The following ACBD3 variants were observed in gnomAD, a reference collection of about 807,000 sequenced individuals.
ACBD3 encodes acyl-CoA binding domain containing 3.
In ACBD3, 30 loss-of-function variants were observed where a neutral mutation model predicts 66.9. The ratio of observed to expected loss-of-function variants is 0.45; its 90% confidence interval spans 0.34 to 0.61. The LOEUF is 0.61. Among genes scored for constraint, ACBD3 ranks in the 20% least tolerant of loss-of-function variants. The pLI is 0.02. For synonymous variants in ACBD3, 278 were observed against 259.8 expected (o/e 1.07, Z -0.68); for missense variants, 544 against 664.5 (o/e 0.82, Z 1.99).
Position 226,164,817 on chromosome 1 carries a change from T to G in ACBD3, c.541A>C (p.Ile181Leu). 6.2e-7 allele frequency: 1 copy of G among 1,610,000 alleles called. No homozygotes were observed. The highest frequency in any genetic ancestry group is 8.5e-7 in the Non-Finnish European group (1 of 1,178,394). ...TTTTTTTCTTGCTCTTCCTTCTCTATTTTGTGGGACGCAACATATGTTGAA... is the reference window on the plus strand; with the variant it reads ...TTTTTTTCTTGCTCTTCCTTCTCTAGTTTGTGGGACGCAACATATGTTGAA... ...LFSTYVASHK[I>L]EKEEQEKKRK... Residue 181 changes from isoleucine (I) to leucine (L), a missense_variant, in exon 3 of 8, where the codon ATA becomes CTA. This residue lies in a region of ACBD3 where 383 missense variants were observed against 462.4 expected (regional missense o/e 0.83). Coordinates refer to ENST00000366812, the MANE Select transcript of ACBD3 (RefSeq NM_022735.4).
chr1:226,183,284 T>C (rs1345920165), intron 1 of ACBD3, among the ~76,000 whole-genome samples: 1 of 152,166 alleles, frequency 6.6e-6, no homozygotes, highest in Non-Finnish European at 1.5e-5. Flanking sequence ...CAAGTGATTC[T>C]CCTGCCTCAG....
Position 226,154,922 on chromosome 1 carries a change from T to A in ACBD3, c.904-89A>T, listed in dbSNP as rs922999416. 15 of 1,171,108 alleles carry A rather than the reference T, an allele frequency of 1.3e-5. No individual in the cohort carries two copies. In the African/African-American group the frequency reaches 2.0e-4, roughly 16 times the overall value. 72.5% of individuals were successfully genotyped at this position (1,171,108 alleles called of 1,614,324 possible). A position where few individuals can be genotyped will look rare whatever the true frequency, so the allele number is the denominator to read the frequency against. On this transcript the variant is annotated intron_variant, in intron 5 of 7. Coordinates refer to ENST00000366812, the MANE Select transcript of ACBD3 (RefSeq NM_022735.4). ...TGGAGTACATCTGATACCATGCTTT[T>A]GCCCTACCAAAGTGCTATGCTCAAG...
chr1:226,159,904 C>T (rs1659738689), intron 4 of ACBD3, among the ~76,000 whole-genome samples: 1 of 152,074 alleles, frequency 6.6e-6, no homozygotes. Context: ...ACATAAAAAA[C>T]AGTAAGAGGC....
At chr1:226,185,670 T>C (rs2102793788) in intron 1 of ACBD3, among the ~76,000 whole-genome samples, 1 of 150,906 alleles carries the variant, frequency 6.6e-6, no homozygotes, top group South Asian at 2.1e-4. Context: ...ACAAGAGACA[T>C]TTAACAATTA....
chr1:226,155,221 C>G (rs1159604789), intron 5 of ACBD3: 1 of 153,866 alleles, frequency 6.5e-6, no homozygotes, highest in Non-Finnish European at 1.4e-5. Context: ...AGCTCAAGAC[C>G]AGCCTGACCA....
At position 226,186,383 on chromosome 1, in the gene ACBD3, G is replaced by A. The variant is rs1656307907; in HGVS notation, c.286+7C>T. 6.6e-7 allele frequency: 1 copy of A among 1,514,696 alleles called. No homozygotes were observed. The highest frequency in any genetic ancestry group is 8.8e-7 in the Non-Finnish European group (1 of 1,131,446). 93.8% of individuals were successfully genotyped at this position (1,514,696 alleles called of 1,614,324 possible). A position where few individuals can be genotyped will look rare whatever the true frequency, so the allele number is the denominator to read the frequency against. On this transcript the variant is annotated splice_region_variant and intron_variant, in intron 1 of 7. Transcript: ENST00000366812. The stretch of plus-strand genomic sequence containing the variant: ...GAAGCGGCGGGGGTGGGGCTGGCCC[G>A]GCTCACCTTTGAAGAAGCGCAGTGC...
chr1:226,170,980 T>G (rs1307930139), intron 1 of ACBD3, among the ~76,000 whole-genome samples: 1 of 152,092 alleles, frequency 6.6e-6, no homozygotes, highest in Non-Finnish European at 1.5e-5. Flanking sequence ...GGTTTTGCCA[T>G]GTTACCCAGG....
In ACBD3 at chr1:226,146,265, G is replaced by A. The variant is rs1305284387; in HGVS notation, c.*345C>T. ...GGGCTCTCATAAGACACATGGAGCA[G>A]GCAGCAAGGGGCTAACCATCAGCCG... On this transcript the variant is annotated 3_prime_UTR_variant, in exon 8 of 8. Transcript: ENST00000366812. 4.7e-6 allele frequency: 1 copy of A among 213,608 alleles called. No individual in the cohort carries two copies. The highest frequency in any genetic ancestry group is 2.3e-5 in the African/African-American group (1 of 42,686). The allele number at this position is 213,608 out of a possible 1,614,324, so 13.2% of individuals were successfully genotyped here.
Position 226,161,686 on chromosome 1 carries a change from C to A in ACBD3, c.573G>T (p.Lys191Asn). Residue 191 changes from lysine (K) to asparagine (N), a missense_variant, in exon 4 of 8, where the codon AAG becomes AAT. Coordinates refer to ENST00000366812, the MANE Select transcript of ACBD3 (RefSeq NM_022735.4). ...IEKEEQEKKRKEEEERRRREE... is the reference protein window; with the variant it reads ...IEKEEQEKKRNEEEERRRREE... Reference sequence around the variant, plus strand: ...CACGCCGCCTTCGCTCCTCTTCCTCCTTCCTACAAGGCAAAGATAGAGAAT... The same window carrying A: ...CACGCCGCCTTCGCTCCTCTTCCTCATTCCTACAAGGCAAAGATAGAGAAT... The A allele has an allele frequency of 6.3e-7, 1 of 1,588,464 alleles. No homozygotes were observed. Among genetic ancestry groups the A allele is most frequent in the Non-Finnish European group, 8.6e-7 (1 of 1,167,388 alleles).
At chr1:226,148,622 G>A (rs1659501812) in intron 7 of ACBD3, among the ~76,000 whole-genome samples, 1 of 152,120 alleles carries the variant, frequency 6.6e-6, no homozygotes, top group Non-Finnish European at 1.5e-5. Context: ...TTAAGCCAAG[G>A]TTTAGGACCT....
chr1:226,169,716 CA>C (rs112424132), intron 1 of ACBD3, among the ~76,000 whole-genome samples: 140,769 of 141,852 alleles, frequency 0.99, 69,846 homozygotes, highest in Middle Eastern at 1. Flanking sequence ...TTTTTTAAAA[CA>C]AAAAAAAAAA....
At position 226,159,190 on chromosome 1, in the gene ACBD3, C is replaced by T. The variant is rs141482742; in HGVS notation, c.897G>A (p.Gln299=). ...MQQLYQVQLA[Q]QQAALQKQQE... Reference sequence around the variant, plus strand: ...CTAGGGTTGTCTATCGTACCTGTTGCTGTGCAAGCTGGACTTGATACAACT... The same window carrying T: ...CTAGGGTTGTCTATCGTACCTGTTGTTGTGCAAGCTGGACTTGATACAACT... The change falls in exon 5 of 8, where the codon CAG becomes CAA. Residue 299 remains glutamine (Q), a synonymous_variant. Coordinates refer to ENST00000366812, the MANE Select transcript of ACBD3 (RefSeq NM_022735.4). The T allele has an allele frequency of 3.1e-6, 5 of 1,614,006 alleles. No homozygotes were observed. The highest frequency in any genetic ancestry group is 1.6e-4 in the Middle Eastern group (1 of 6,084).
In ACBD3 at chr1:226,154,781, G is replaced by A. The variant is rs1264452390; in HGVS notation, c.956C>T (p.Thr319Ile). Reference protein sequence around the residue: ...EVVVAGSSLPTSSKVNATVPS... With the variant: ...EVVVAGSSLPISSKVNATVPS... ...TACAGTTGCATTCACTTTTGATGAT[G>A]TAGGCAAGGAAGACCCAGCCACTAC... is the stretch of plus-strand genomic sequence containing the variant. The change falls in exon 6 of 8, where the codon ACA becomes ATA. Residue 319 changes from threonine (T) to isoleucine (I), a missense_variant. This residue lies in a region of ACBD3 where 383 missense variants were observed against 462.4 expected (regional missense o/e 0.83). Transcript: ENST00000366812. The A allele has an allele frequency of 1.2e-6, 2 of 1,612,812 alleles. No homozygotes were observed. Among genetic ancestry groups the A allele is most frequent in the African/African-American group, 2.7e-5 (2 of 74,870 alleles).
rs1376229910 is a variant in ACBD3 at position 226,180,827 on chromosome 1, T to A, written c.286+5563A>T. 2.0e-5 allele frequency among the ~76,000 whole-genome samples: 3 copies of A among 152,164 alleles called. No homozygotes were observed. The East Asian group carries it at 5.8e-4, about 29-fold the overall frequency. On this transcript the variant is annotated intron_variant, in intron 1 of 7. Coordinates refer to ENST00000366812, the MANE Select transcript of ACBD3 (RefSeq NM_022735.4). ...CAGCCTGACTAACATGGTGAAACCC[T>A]GTCTGTACTAAAAATACAAAAATTA...
At chr1:226,179,459 A>G (rs1006209683) in intron 1 of ACBD3, among the ~76,000 whole-genome samples, 1 of 152,160 alleles carries the variant, frequency 6.6e-6, no homozygotes, top group Non-Finnish European at 1.5e-5. Context: ...CCTAGTTACC[A>G]TATTTCCACC....
chr1:226,159,452 ACTCTT>A, intron 4 of ACBD3, 94 bp from the exon 5 acceptor site: 3 of 1,181,864 alleles, frequency 2.5e-6, no homozygotes, highest in Non-Finnish European at 3.5e-6. Flanking sequence ...ACAGTCTGTA[ACTCTT>A]AAAAACAACT....
chr1:226,149,529 C>CTTTTTTTTTTTTTTTTTTTTTTT (rs1170130229), intron 7 of ACBD3, among the ~76,000 whole-genome samples: 1 of 29,596 alleles, frequency 3.4e-5, no homozygotes, highest in African/African-American at 1.6e-4. Context: ...GCCCAGCCAT[C>CTTTTTTTTTTTTTTTTTTTTTTT]TTTTTTTTTT....
At chr1:226,173,936 T>A (rs1291049427) in intron 1 of ACBD3, among the ~76,000 whole-genome samples, 2 of 151,788 alleles carry the variant, frequency 1.3e-5, no homozygotes, top group Non-Finnish European at 2.9e-5. Flanking sequence ...CTAATTTTTT[T>A]ATTTTTAGTA....
In ACBD3 at chr1:226,186,209, T is replaced by G. The variant is rs1337412920; in HGVS notation, c.286+181A>C. ...TTGCAGGCCCGTCAGGGGTGTGACC[T>G]AGTGGCCAAGCGGGTAGTGACAAAC... On this transcript the variant is annotated intron_variant, in intron 1 of 7. Transcript: ENST00000366812. Among the ~76,000 whole-genome samples, 4 of 152,124 alleles carry G rather than the reference T, an allele frequency of 2.6e-5. No homozygotes were observed. The East Asian group carries it at 7.7e-4, about 29-fold the overall frequency.
Sources: gnomAD v4.1 joint callset for allele counts (sites outside exome capture counted in the v4.1 genomes callset) on GRCh38, gnomAD v4.1.1 for gene constraint, gnomAD v4.1.1 regional missense constraint, MANE v1.5 for transcripts, NCBI Gene and HGNC (gene_info 2026-07-23, HGNC 2026-07-21) for gene names.